Variants in RHEX observed in about 807,000 individuals in gnomAD.
The protein encoded by RHEX is regulator of hemoglobinization and erythroid cell expansion.
A neutral mutation model predicts 20.1 loss-of-function variants in RHEX; 18 were observed. The observed-to-expected ratio is 0.90, with a 90% CI of 0.62 to 1.33. The LOEUF is 1.33. Ranked by LOEUF, RHEX falls within the 40% of genes most tolerant of loss-of-function variation. The pLI is 0.00. For synonymous variants in RHEX, 87 were observed against 77.1 expected (o/e 1.13, Z -0.67); for missense variants, 192 against 214.3 (o/e 0.90, Z 0.65).
intron 1 of RHEX, among the ~76,000 whole-genome samples, chr1:206,064,206 G>C (rs1290144915): frequency 7.0e-6 from 1 of 143,564 alleles, no homozygotes; most frequent in Non-Finnish European, 1.5e-5. Context: ...CAGCCGCCCC[G>C]TCTGGGAAGT....
intron 1 of RHEX, among the ~76,000 whole-genome samples, chr1:206,094,257 A>G (rs1363178373): frequency 2.6e-5 from 4 of 152,022 alleles, no homozygotes; most frequent in Admixed American, 2.6e-4. Flanking sequence ...GCAGTCTGCA[A>G]TTAGACCCCA....
At chr1:206,082,472 C>T (rs1283922405) in intron 1 of RHEX, among the ~76,000 whole-genome samples, 2 of 150,966 alleles carry the variant, frequency 1.3e-5, no homozygotes, top group Non-Finnish European at 2.9e-5. Context: ...GGGCCGAGGT[C>T]GCACCATGGC....
intron 5 of RHEX, among the ~76,000 whole-genome samples, chr1:206,101,399 G>A (rs1571876647): frequency 6.6e-6 from 1 of 152,110 alleles, no homozygotes; most frequent in African/African-American, 2.4e-5. Context: ...AAACAAAGTG[G>A]GTCTGAACAG....
intron 1 of RHEX, among the ~76,000 whole-genome samples, chr1:206,091,685 A>C (rs982556654): frequency 9.2e-5 from 14 of 152,232 alleles, no homozygotes; most frequent in South Asian, 4.1e-4. Flanking sequence ...CAAATTTTTC[A>C]ATCTTCCTAA....
chr1:206,084,793 C>A (rs1662806495), intron 1 of RHEX, among the ~76,000 whole-genome samples: 1 of 152,146 alleles, frequency 6.6e-6, no homozygotes, highest in Non-Finnish European at 1.5e-5. Context: ...AAGATGACAG[C>A]CACAAAGCAT....
At chr1:206,077,569 C>T (rs1571862969) in intron 1 of RHEX, among the ~76,000 whole-genome samples, 1 of 152,232 alleles carries the variant, frequency 6.6e-6, no homozygotes, top group East Asian at 1.9e-4. Context: ...GGTAGGAGGT[C>T]AAGACCAGCT....
chr1:206,098,117 G>A lies in RHEX; in HGVS notation c.48G>A (p.Val16=), dbSNP rs1663112568. 6.2e-7 allele frequency: 1 copy of A among 1,614,072 alleles called. No homozygotes were observed. The highest frequency in any genetic ancestry group is 1.3e-5 in the African/African-American group (1 of 74,998). The change falls in exon 3 of 6, where the codon GTG becomes GTA. Residue 16 remains valine (V), a synonymous_variant. Transcript: ENST00000331555. ...MEVWHGLVIA[V]VSLFLQACFL... The stretch of plus-strand genomic sequence containing the variant: ...TCTGGCATGGCTTAGTGATCGCGGT[G>A]GTGTCCCTCTTCCTGCAGGCCTGCT...
chr1:206,087,174 T>C (rs192289443), intron 1 of RHEX, among the ~76,000 whole-genome samples: 2 of 152,256 alleles, frequency 1.3e-5, no homozygotes, highest in Non-Finnish European at 2.9e-5. Flanking sequence ...TATACTCGCT[T>C]GTGTGGTCGC....
At chr1:206,072,049 T>A (rs1009105999) in intron 1 of RHEX, among the ~76,000 whole-genome samples, 1 of 152,186 alleles carries the variant, frequency 6.6e-6, no homozygotes, top group African/African-American at 2.4e-5. Context: ...AGGTACCATT[T>A]AGCAACAGAT....
At chr1:206,094,159 C>T (rs1663015824) in intron 1 of RHEX, among the ~76,000 whole-genome samples, 1 of 140,446 alleles carries the variant, frequency 7.1e-6, no homozygotes, top group Non-Finnish European at 1.5e-5. Flanking sequence ...TGCCCATTTC[C>T]TGGTTATTTG....
intron 1 of RHEX, chr1:206,062,214 A>C (rs1662322664): frequency 6.6e-6 from 1 of 152,276 alleles, no homozygotes; most frequent in African/African-American, 2.4e-5. Flanking sequence ...ATCTCTAAAA[A>C]AAGTAAATAA....
At position 206,102,300 on chromosome 1, in the gene RHEX, C is replaced by G. The variant is rs1663208852; in HGVS notation, c.*348C>G. The stretch of plus-strand genomic sequence containing the variant: ...ATCAGCAGAGATAGTAGTGAAGTCT[C>G]TCCCCAGGGAAAATTTTAAAAAGGT... On this transcript the variant is annotated 3_prime_UTR_variant, in exon 6 of 6. Transcript: ENST00000331555. 1 of 243,552 alleles carries G rather than the reference C, an allele frequency of 4.1e-6. No homozygotes were observed. The highest frequency in any genetic ancestry group is 5.0e-5 in the Admixed American group (1 of 20,136). 15.1% of individuals were successfully genotyped at this position (243,552 alleles called of 1,614,324 possible).
intron 1 of RHEX, among the ~76,000 whole-genome samples, chr1:206,088,330 T>C (rs782518984): frequency 9.8e-5 from 15 of 152,296 alleles, no homozygotes; most frequent in Admixed American, 2.6e-4. Flanking sequence ...CCTAAACTTA[T>C]TTTCTATAGA....
intron 1 of RHEX, chr1:206,083,500 C>T: frequency 1.0e-6 from 1 of 985,410 alleles, no homozygotes; most frequent in Non-Finnish European, 1.2e-6. Context: ...TGGCAGTGCT[C>T]CCGCCTTGTT....
chr1:206,055,005 T>C (rs944077365), intron 1 of RHEX, among the ~76,000 whole-genome samples: 3 of 152,290 alleles, frequency 2.0e-5, no homozygotes, highest in Non-Finnish European at 4.4e-5. Context: ...ATCTGCACTT[T>C]AAACAAATGC....
intron 1 of RHEX, among the ~76,000 whole-genome samples, chr1:206,094,855 G>C (rs2102327687): frequency 6.6e-6 from 1 of 152,314 alleles, no homozygotes; most frequent in South Asian, 2.1e-4. Context: ...AAATGTGGAA[G>C]ATGGTGTAGG....
intron 1 of RHEX, among the ~76,000 whole-genome samples, chr1:206,073,020 T>C (rs1662565322): frequency 6.6e-6 from 1 of 152,014 alleles, no homozygotes. Flanking sequence ...GTATTTTTGG[T>C]AGAGACAGGG....
chr1:206,090,305 A>C lies in RHEX; in HGVS notation c.-96-7428A>C, dbSNP rs185841830. Among the ~76,000 whole-genome samples the C allele has an allele frequency of 1.7e-3, 246 of 148,568 alleles. 2 individuals are homozygous for C. Among genetic ancestry groups the C allele is most frequent in the African/African-American group, 5.9e-3 (237 of 40,334 alleles). On this transcript the variant is annotated intron_variant, in intron 1 of 5. Transcript: ENST00000331555. ...CACTGCAATCTCGTCTCCTAGGTTC[A>C]AGCGATTCTCCTGCCTCAGCCTCCA...
intron 1 of RHEX, among the ~76,000 whole-genome samples, chr1:206,084,789 A>G (rs1212288476): frequency 6.6e-6 from 1 of 152,220 alleles, no homozygotes; most frequent in East Asian, 1.9e-4. Context: ...TTTAAAGATG[A>G]CAGCCACAAA....
Sources: allele counts gnomAD v4.1 joint callset (sites outside exome capture counted in the v4.1 genomes callset), GRCh38; gene constraint gnomAD v4.1.1; transcripts MANE v1.5; gene names NCBI Gene and HGNC (gene_info 2026-07-23, HGNC 2026-07-21).